Variants in ZFHX3 observed in about 807,000 individuals in gnomAD.
ZFHX3 encodes the protein zinc finger homeobox protein 3.
A neutral mutation model predicts 279.1 loss-of-function variants in ZFHX3; 42 were observed. The ratio of observed to expected loss-of-function variants is 0.15; its 90% CI spans 0.12 to 0.19. ZFHX3 has a LOEUF of 0.19. Among genes scored for constraint, ZFHX3 ranks in the 10% least tolerant of loss-of-function variants. ZFHX3 has a pLI of 1.00. For synonymous variants in ZFHX3, 2,293 were observed against 1,957.8 expected, an observed-to-expected ratio of 1.17 and a Z score of -4.52; for missense variants, 4,981 against 4,754.0, an observed-to-expected ratio of 1.05 and a Z score of -1.40.
chr16:73,413,360 G>C (rs1449721416), intron 3 of ZFHX3, among the ~76,000 whole-genome samples: 1 of 152,180 alleles, frequency 6.6e-6, no homozygotes, highest in Admixed American at 6.5e-5. Context: ...GTACATAAGG[G>C]AGTGAAGGAG....
Position 73,706,320 on chromosome 16 carries a change from G to T in ZFHX3, c.-1607-26080C>A, listed in dbSNP as rs375130605. ...TCCTAAAGATACAAAAAATTAGCTG[G>T]GTGTCGTGGCAGGCGCCTGTAATCC... On this transcript the variant is annotated intron_variant, in intron 1 of 17. Transcript: ENST00000641206. 1.7e-4 allele frequency among the ~76,000 whole-genome samples: 26 copies of T among 151,990 alleles called. No individual in the cohort carries two copies. The East Asian group carries it at 2.3e-3, about 14-fold the overall frequency.
intron 3 of ZFHX3, among the ~76,000 whole-genome samples, chr16:73,363,088 T>C (rs2016460878): frequency 1.3e-5 from 2 of 152,210 alleles, no homozygotes; most frequent in Non-Finnish European, 2.9e-5. Context: ...AGTGACATTG[T>C]GTGAGTCCTG....
At chr16:73,425,424 TC>T (rs1383026191) in intron 3 of ZFHX3, among the ~76,000 whole-genome samples, 4 of 152,174 alleles carry the variant, frequency 2.6e-5, no homozygotes, top group African/African-American at 9.7e-5. Context: ...TTTTATAATC[TC>T]ATATAATCGT....
chr16:73,031,935 T>C (rs999156816), intron 1 of ZFHX3, among the ~76,000 whole-genome samples: 1 of 151,948 alleles, frequency 6.6e-6, no homozygotes, highest in African/African-American at 2.4e-5. Flanking sequence ...TAGAACCTTA[T>C]AAGAGTAAGT....
intron 4 of ZFHX3, among the ~76,000 whole-genome samples, chr16:73,301,823 G>A (rs2015062482): frequency 6.7e-6 from 1 of 148,904 alleles, no homozygotes; most frequent in African/African-American, 2.5e-5. Context: ...GAATCTTGCA[G>A]TGTGCATAAG....
intron 1 of ZFHX3, among the ~76,000 whole-genome samples, chr16:73,034,484 A>G (rs1964828264): frequency 6.6e-6 from 1 of 152,208 alleles, no homozygotes; most frequent in African/African-American, 2.4e-5. Flanking sequence ...GTGTGGTGCT[A>G]GAAATGACTG....
At chr16:73,261,319 A>G (rs994329007) in intron 4 of ZFHX3, among the ~76,000 whole-genome samples, 2 of 152,214 alleles carry the variant, frequency 1.3e-5, no homozygotes, top group Non-Finnish European at 2.9e-5. Context: ...GTATATGTCT[A>G]TATGCTTGCT....
chr16:72,795,833 G>T lies in ZFHX3; in HGVS notation c.6849C>A (p.Thr2283=), dbSNP rs540592463. Residue 2283 remains threonine, a synonymous_variant, in exon 9 of 10, where the codon ACC becomes ACA. Transcript: ENST00000268489. ...EQLSNLLNLP[T]RVIVVWFQNA... is the part of the protein sequence containing the mutation. ...TCTGAAACCACACCACTATCACTCG[G>T]GTTGGAAGGTTCAGTAAATTAGAGA... 4.3e-6 allele frequency: 7 copies of T among 1,614,126 alleles called. No individual in the cohort carries two copies. The South Asian group carries it at 7.7e-5, about 18-fold the overall frequency.
At chr16:72,792,232 A>G (rs149392802) in intron 9 of ZFHX3, among the ~76,000 whole-genome samples, 1 of 152,210 alleles carries the variant, frequency 6.6e-6, no homozygotes, top group South Asian at 2.1e-4. Flanking sequence ...TATGATTCTC[A>G]GTGATCAGGA....
At chr16:73,068,879 C>T (rs1297397422) in intron 8 of ZFHX3, among the ~76,000 whole-genome samples, 2 of 152,218 alleles carry the variant, frequency 1.3e-5, no homozygotes, top group Non-Finnish European at 2.9e-5. Flanking sequence ...TCCCTTGAAA[C>T]AAAGATGATG....
intron 1 of ZFHX3, among the ~76,000 whole-genome samples, chr16:73,810,251 A>G (rs980397841): frequency 2.0e-5 from 3 of 152,194 alleles, no homozygotes; most frequent in African/African-American, 7.2e-5. Flanking sequence ...GCTCTCAATC[A>G]AATAGTCTCT....
chr16:72,961,502 C>T (rs1440520092), intron 1 of ZFHX3, among the ~76,000 whole-genome samples: 1 of 152,194 alleles, frequency 6.6e-6, no homozygotes, highest in African/African-American at 2.4e-5. Context: ...AGCCACCATT[C>T]CCCTGCTGCT....
intron 4 of ZFHX3, among the ~76,000 whole-genome samples, chr16:72,850,841 A>G (rs757708880): frequency 1.3e-5 from 2 of 152,136 alleles, no homozygotes; most frequent in Admixed American, 6.5e-5. Flanking sequence ...TCACTACTCA[A>G]TGATGCTAGA....
At chr16:73,264,083 C>G (rs1401817709) in intron 4 of ZFHX3, among the ~76,000 whole-genome samples, 1 of 152,160 alleles carries the variant, frequency 6.6e-6, no homozygotes, top group Non-Finnish European at 1.5e-5. Flanking sequence ...ATGAGAATAG[C>G]TTGAACCCGG....
chr16:73,132,796 C>A (rs1966714351), intron 6 of ZFHX3, among the ~76,000 whole-genome samples: 2 of 152,148 alleles, frequency 1.3e-5, no homozygotes, highest in Non-Finnish European at 2.9e-5. Flanking sequence ...TCAGGTTCAA[C>A]CTTTTAAAAG....
rs1036512565 is a variant in ZFHX3, at chr16:72,913,742, C to T, written c.3217-23780G>A. On this transcript the variant is annotated intron_variant, in intron 3 of 9. Coordinates refer to ENST00000268489, the MANE Select transcript of ZFHX3 (RefSeq NM_006885.4). Reference sequence around the variant, plus strand: ...CGCTGTTAATAAAATAAAAACATCTCGTAAAAGAGATAAACTTCTCTTTAT... The same window carrying T: ...CGCTGTTAATAAAATAAAAACATCTTGTAAAAGAGATAAACTTCTCTTTAT... 5.9e-5 allele frequency among the ~76,000 whole-genome samples: 9 copies of T among 152,144 alleles called. No homozygotes were observed. In the South Asian group the frequency reaches 8.3e-4, roughly 14 times the overall value.
At chr16:72,832,789 G>T (rs372462197) in intron 4 of ZFHX3, among the ~76,000 whole-genome samples, 4 of 152,238 alleles carry the variant, frequency 2.6e-5, no homozygotes, top group Admixed American at 1.3e-4. Flanking sequence ...GGAGGCAGAG[G>T]AGTCTGGACC....
intron 2 of ZFHX3, among the ~76,000 whole-genome samples, chr16:73,511,423 T>A (rs1397818485): frequency 6.6e-6 from 1 of 152,194 alleles, no homozygotes; most frequent in African/African-American, 2.4e-5. Flanking sequence ...TGCAGTAGCA[T>A]CCCAGTCCTA....
chr16:73,257,135 G>A (rs2013682305), exon 5 of ZFHX3: 1 of 152,068 alleles, frequency 6.6e-6, no homozygotes, highest in Admixed American at 6.5e-5. Flanking sequence ...CCAAATCAGA[G>A]TCTATAACAA....
Sources: allele counts gnomAD v4.1 joint callset (sites outside exome capture counted in the v4.1 genomes callset), GRCh38; gene constraint gnomAD v4.1.1; transcripts MANE v1.5; gene names NCBI Gene and HGNC (gene_info 2026-07-23, HGNC 2026-07-21).